DGKG: variants seen among roughly 807,000 people sequenced by gnomAD.
DGKG encodes the protein diacylglycerol kinase gamma.
A neutral mutation model predicts 105.3 loss-of-function variants in DGKG; 78 were observed. That is an observed-to-expected ratio of 0.74 (90% CI 0.62 to 0.89). The LOEUF (loss-of-function observed/expected upper bound fraction) is 0.89, where lower values mean the gene tolerates loss of function less well. Ranked by LOEUF, DGKG falls within the 40% of genes least tolerant of loss-of-function variation. The pLI is 0.00. For synonymous variants in DGKG, 346 were observed against 367.1 expected (o/e 0.94, Z 0.66); for missense variants, 958 against 1,020.1 (o/e 0.94, Z 0.83).
At chr3:186,313,464 A>C (rs537752799) in intron 2 of DGKG, 1 of 979,336 alleles carries the variant, frequency 1.0e-6, no homozygotes, top group East Asian at 1.1e-4. Flanking sequence ...TTGCTAGAAC[A>C]TTTTCTCACC....
intron 22 of DGKG, among the ~76,000 whole-genome samples, chr3:186,178,072 A>G (rs1483643866): frequency 6.6e-6 from 1 of 152,208 alleles, no homozygotes; most frequent in African/African-American, 2.4e-5. Flanking sequence ...AGCAAGAAGC[A>G]TCCATCCGCA....
intron 21 of DGKG, among the ~76,000 whole-genome samples, chr3:186,202,959 A>G (rs962147922): frequency 2.6e-5 from 4 of 152,272 alleles, no homozygotes; most frequent in Non-Finnish European, 5.9e-5. Flanking sequence ...AGTAATTCAC[A>G]AAGAACAAAA....
chr3:186,249,583 G>A (rs953929641), intron 19 of DGKG, among the ~76,000 whole-genome samples: 3 of 152,168 alleles, frequency 2.0e-5, no homozygotes, highest in Admixed American at 6.5e-5. Flanking sequence ...GGCTCACGCC[G>A]GTAATCCCAG....
intron 23 of DGKG, among the ~76,000 whole-genome samples, chr3:186,164,572 T>C (rs1017580368): frequency 3.9e-5 from 6 of 152,188 alleles, no homozygotes; most frequent in African/African-American, 1.4e-4. Flanking sequence ...CTATCTAACA[T>C]TTTAATTTGC....
In DGKG at chr3:186,225,778, C is replaced by T. The variant is rs142715641; in HGVS notation, c.1827-13893G>A. 3.4e-3 allele frequency among the ~76,000 whole-genome samples: 513 copies of T among 152,226 alleles called. 1 individual carries two copies. Among genetic ancestry groups the T allele is most frequent in the Non-Finnish European group, 4.9e-3 (336 of 68,016 alleles). Reference sequence around the variant, plus strand: ...TGGATTTGTGACCCCTCATATAGACCGCTGTAGTTTTCCCCTGGGAATTTC... The same window carrying T: ...TGGATTTGTGACCCCTCATATAGACTGCTGTAGTTTTCCCCTGGGAATTTC... On this transcript the variant is annotated intron_variant, in intron 20 of 24. Coordinates refer to ENST00000265022, the MANE Select transcript of DGKG (RefSeq NM_001346.3).
At chr3:186,289,583 G>A (rs147352812) in intron 5 of DGKG, among the ~76,000 whole-genome samples, 1 of 152,128 alleles carries the variant, frequency 6.6e-6, no homozygotes, top group Non-Finnish European at 1.5e-5. Flanking sequence ...GGGCACCCCT[G>A]TTTTCCTGTG....
At chr3:186,288,154 C>T (rs374186743) in intron 6 of DGKG, among the ~76,000 whole-genome samples, 1 of 152,186 alleles carries the variant, frequency 6.6e-6, no homozygotes, top group South Asian at 2.1e-4. Context: ...CTGAGCTCAA[C>T]TCCTTTAATT....
chr3:186,235,862 C>A (rs538602935), intron 20 of DGKG, among the ~76,000 whole-genome samples: 1 of 152,180 alleles, frequency 6.6e-6, no homozygotes, highest in African/African-American at 2.4e-5. Context: ...GGGCCACTTG[C>A]CTACCTGCCA....
intron 11 of DGKG, among the ~76,000 whole-genome samples, chr3:186,270,069 AC>A (rs1452829804): frequency 4.2e-4 from 64 of 152,328 alleles, no homozygotes; most frequent in African/African-American, 1.4e-3. Flanking sequence ...AGCCACAAGC[AC>A]GGTATTAAAA....
intron 21 of DGKG, among the ~76,000 whole-genome samples, chr3:186,206,380 C>CAAAAA (rs1718735633): frequency 1.4e-5 from 2 of 146,558 alleles, no homozygotes; most frequent in South Asian, 4.3e-4. Context: ...AAGACTCTGT[C>CAAAAA]AAAAAAACAA....
At position 186,260,521 on chromosome 3, in the gene DGKG, A is replaced by T; in HGVS notation, c.1350-8T>A. On this transcript the variant is annotated splice_region_variant and splice_polypyrimidine_tract_variant and intron_variant, in intron 15 of 24. Transcript: ENST00000265022. ...TGGAATTTCCGAAGAATTCTATGGA[A>T]AAAAAAAGAAAAGGAGGGAGAGAGA... 7.5e-6 allele frequency: 12 copies of T among 1,601,906 alleles called. No individual in the cohort carries two copies. The highest frequency in any genetic ancestry group is 2.2e-5 in the East Asian group (1 of 44,818).
At chr3:186,345,419 C>A (rs1281262236) in intron 1 of DGKG, among the ~76,000 whole-genome samples, 3 of 152,038 alleles carry the variant, frequency 2.0e-5, no homozygotes, top group Admixed American at 6.6e-5. Flanking sequence ...CATTTTCATG[C>A]TCTATTTTAT....
intron 20 of DGKG, among the ~76,000 whole-genome samples, chr3:186,238,723 A>G (rs1208568527): frequency 6.6e-6 from 1 of 152,114 alleles, no homozygotes; most frequent in Non-Finnish European, 1.5e-5. Flanking sequence ...CTCTGCCGTT[A>G]AAGGCCTTTT....
At chr3:186,295,507 ATAATAATAATAATAATAATAG>A (rs1305927402) in intron 5 of DGKG, among the ~76,000 whole-genome samples, 3 of 147,856 alleles carry the variant, frequency 2.0e-5, no homozygotes, top group East Asian at 2.0e-4. Flanking sequence ...TCTCAAAATA[ATAATAATAATAATAATAATAG>A]TAATAATAAT....
At chr3:186,283,337 C>T (rs765696434) in intron 7 of DGKG, among the ~76,000 whole-genome samples, 11 of 152,154 alleles carry the variant, frequency 7.2e-5, no homozygotes, top group Non-Finnish European at 1.6e-4. Context: ...ACTCATTCTG[C>T]TCCATTCACA....
rs562525534 is a variant in DGKG, at chr3:186,275,775, T to C, written c.793-111A>G. 8.6e-5 allele frequency: 57 copies of C among 661,482 alleles called. 1 individual carries two copies. In the South Asian group the frequency reaches 1.2e-3, roughly 14 times the overall value. The allele number at this position is 661,482 out of a possible 1,614,324, so 41.0% of individuals were successfully genotyped here. ...TTCATCTCATTTAGAAGATGAGTTA[T>C]TGATATTTTTTACTGTTTTAAATAC... On this transcript the variant is annotated intron_variant, in intron 9 of 24. Transcript: ENST00000265022.
chr3:186,173,197 A>G (rs1402038722), intron 22 of DGKG, among the ~76,000 whole-genome samples: 1 of 152,240 alleles, frequency 6.6e-6, no homozygotes, highest in Non-Finnish European at 1.5e-5. Flanking sequence ...ATACAGTCAC[A>G]GTCTGAGGTG....
At chr3:186,299,762 CTTTTCT>C (rs1235720195) in intron 3 of DGKG, among the ~76,000 whole-genome samples, 1 of 136,512 alleles carries the variant, frequency 7.3e-6, no homozygotes, top group African/African-American at 2.9e-5. Context: ...TTTTTTTCTT[CTTTTCT>C]CTTTCTTTCT....
At chr3:186,158,368 G>A (rs757809973) in intron 24 of DGKG, 109 of 980,688 alleles carry the variant, frequency 1.1e-4, no homozygotes, top group Non-Finnish European at 1.3e-4. Context: ...TCTTATTTTT[G>A]TAATTTTTTG....
Sources: gnomAD v4.1 joint callset for allele counts (sites outside exome capture counted in the v4.1 genomes callset) on GRCh38, gnomAD v4.1.1 for gene constraint, MANE v1.5 for transcripts, NCBI Gene and HGNC (gene_info 2026-07-23, HGNC 2026-07-21) for gene names.